The following CTNNA3 variants were observed in gnomAD, a reference collection of about 807,000 sequenced individuals.
CTNNA3 encodes catenin alpha 3.
CTNNA3 carries 76 observed loss-of-function variants against 95.7 expected under a neutral mutation model. The ratio of observed to expected loss-of-function variants is 0.79; its 90% CI spans 0.66 to 0.96. The LOEUF (loss-of-function observed/expected upper bound fraction) is 0.96, where lower values mean the gene tolerates loss of function less well. Ranked by LOEUF, CTNNA3 falls within the 40% of genes least tolerant of loss-of-function variation. The pLI is 0.00. For synonymous variants in CTNNA3, 431 were observed against 374.4 expected (o/e 1.15, Z -1.74); for missense variants, 1,191 against 1,089.8 (o/e 1.09, Z -1.31).
intron 2 of CTNNA3, among the ~76,000 whole-genome samples, chr10:67,616,978 C>A (rs549845464): frequency 3.2e-4 from 48 of 152,204 alleles, no homozygotes; most frequent in Admixed American, 3.1e-3. Context: ...GAAACCCCAA[C>A]AATTAGGTGT....
chr10:66,380,129 A>G (rs1033384389), intron 11 of CTNNA3, among the ~76,000 whole-genome samples: 1 of 152,144 alleles, frequency 6.6e-6, no homozygotes, highest in African/African-American at 2.4e-5. Context: ...GATCTCAGTA[A>G]TTCCAGAACA....
intron 13 of CTNNA3, among the ~76,000 whole-genome samples, chr10:66,228,035 G>C (rs1276561703): frequency 6.6e-6 from 1 of 151,844 alleles, no homozygotes; most frequent in African/African-American, 2.4e-5. Flanking sequence ...TATGATTTTT[G>C]ATTTATGTGG....
At chr10:67,644,435 T>C (rs1432928392) in intron 2 of CTNNA3, among the ~76,000 whole-genome samples, 2 of 151,568 alleles carry the variant, frequency 1.3e-5, no homozygotes, top group African/African-American at 4.8e-5. Flanking sequence ...AAAATAAAAA[T>C]AAACACTTTT....
chr10:65,958,577 G>C (rs971403127), intron 17 of CTNNA3, among the ~76,000 whole-genome samples: 17 of 152,104 alleles, frequency 1.1e-4, no homozygotes, highest in African/African-American at 4.1e-4. Context: ...TTTTGGTGTG[G>C]ATGTCCTTTC....
chr10:66,058,407 C>G (rs2080127163), intron 15 of CTNNA3, among the ~76,000 whole-genome samples: 1 of 152,116 alleles, frequency 6.6e-6, no homozygotes, highest in African/African-American at 2.4e-5. Flanking sequence ...AAGTTCAACC[C>G]CACCTCCCAA....
intron 17 of CTNNA3, among the ~76,000 whole-genome samples, chr10:65,953,596 T>C (rs1327677611): frequency 4.0e-5 from 6 of 151,548 alleles, no homozygotes; most frequent in Non-Finnish European, 7.4e-5. Context: ...CCAAGTATTC[T>C]CATTGTTCAA....
intron 7 of CTNNA3, among the ~76,000 whole-genome samples, chr10:66,942,554 CTCT>C (rs1347287138): frequency 7.8e-6 from 1 of 128,264 alleles, no homozygotes; most frequent in African/African-American, 2.7e-5. Context: ...TAATGTCTCT[CTCT>C]CTCTCTCTCT....
chr10:66,287,984 T>A (rs1383718977), intron 12 of CTNNA3, among the ~76,000 whole-genome samples: 2 of 152,110 alleles, frequency 1.3e-5, no homozygotes, highest in African/African-American at 4.8e-5. Flanking sequence ...TCTCACTATG[T>A]AAACAGGGAG....
At chr10:67,266,415 C>A (rs1008149000) in intron 5 of CTNNA3, among the ~76,000 whole-genome samples, 2 of 151,914 alleles carry the variant, frequency 1.3e-5, no homozygotes, top group Non-Finnish European at 2.9e-5. Context: ...GATGTTTCAC[C>A]GAAACCTTAG....
chr10:67,580,035 C>A (rs1842325090), intron 3 of CTNNA3, among the ~76,000 whole-genome samples: 1 of 152,168 alleles, frequency 6.6e-6, no homozygotes, highest in South Asian at 2.1e-4. Flanking sequence ...GTTTCTTCTG[C>A]TGTGCGGAAG....
intron 7 of CTNNA3, among the ~76,000 whole-genome samples, chr10:67,078,222 A>C (rs1451430423): frequency 5.9e-5 from 9 of 152,210 alleles, no homozygotes; most frequent in Non-Finnish European, 1.2e-4. Context: ...TCAAATGGGC[A>C]TGAAGAGTGA....
intron 9 of CTNNA3, among the ~76,000 whole-genome samples, chr10:66,749,651 T>C (rs1839052784): frequency 6.6e-6 from 1 of 152,344 alleles, no homozygotes; most frequent in South Asian, 2.1e-4. Flanking sequence ...TTGGCAATTA[T>C]GAATAAAGCT....
intron 5 of CTNNA3, among the ~76,000 whole-genome samples, chr10:67,422,308 A>T (rs1845773482): frequency 6.6e-6 from 1 of 152,168 alleles, no homozygotes. Context: ...AATATACAAT[A>T]ACGTATGTAA....
At chr10:66,597,987 C>A (rs1203141767) in intron 10 of CTNNA3, among the ~76,000 whole-genome samples, 1 of 151,896 alleles carries the variant, frequency 6.6e-6, no homozygotes, top group East Asian at 1.9e-4. Flanking sequence ...AAATCAGAGG[C>A]CAATATCCCT....
chr10:66,300,151 C>G (rs951967017), intron 12 of CTNNA3, among the ~76,000 whole-genome samples: 10 of 152,024 alleles, frequency 6.6e-5, no homozygotes, highest in African/African-American at 2.4e-4. Context: ...CTCAGCCTCC[C>G]TAAGAGATGG....
At chr10:66,458,715 A>G (rs765982869) in intron 11 of CTNNA3, among the ~76,000 whole-genome samples, 77 of 152,316 alleles carry the variant, frequency 5.1e-4, no homozygotes, top group Non-Finnish European at 1.0e-3. Flanking sequence ...TTCACTTAGC[A>G]TAATGTCTTC....
chr10:66,493,253 G>A (rs1839984227), intron 11 of CTNNA3, among the ~76,000 whole-genome samples: 1 of 152,114 alleles, frequency 6.6e-6, no homozygotes, highest in South Asian at 2.1e-4. Context: ...TAATAATACA[G>A]TGTGCTGCAC....
At chr10:67,337,149 G>A (rs1432600830) in intron 5 of CTNNA3, among the ~76,000 whole-genome samples, 3 of 152,076 alleles carry the variant, frequency 2.0e-5, no homozygotes, top group Non-Finnish European at 2.9e-5. Context: ...AAACCTTCTA[G>A]AAAGAATTCA....
At chr10:66,110,316 C>T (rs1303633639) in intron 13 of CTNNA3, among the ~76,000 whole-genome samples, 3 of 146,000 alleles carry the variant, frequency 2.1e-5, no homozygotes, top group African/African-American at 7.7e-5. Flanking sequence ...GAGCCAATAT[C>T]ATGCCACTGC....
Sources: gnomAD v4.1 joint callset for allele counts (sites outside exome capture counted in the v4.1 genomes callset) on GRCh38, gnomAD v4.1.1 for gene constraint, MANE v1.5 for transcripts, NCBI Gene and HGNC (gene_info 2026-07-23, HGNC 2026-07-21) for gene names.